Variants in TAOK1 observed in about 807,000 individuals in gnomAD.
The protein encoded by TAOK1 is serine/threonine-protein kinase TAO1.
A neutral mutation model predicts 138.3 loss-of-function variants in TAOK1; 21 were observed. The ratio of observed to expected loss-of-function variants is 0.15; its 90% CI spans 0.11 to 0.22. TAOK1 has a LOEUF of 0.22. TAOK1 is among the 10% of genes least tolerant of loss of function. The probability of loss-of-function intolerance (pLI) is 1.00; values close to 1 mark genes in which losing one functional copy is unlikely to be tolerated. For missense variants in TAOK1, 651 were observed against 1,227.7 expected, an observed-to-expected ratio of 0.53 and a Z score of 7.02; for synonymous variants, 361 against 398.4, an observed-to-expected ratio of 0.91 and a Z score of 1.12.
chr17:29,440,608 C>T (rs1474918496), intron 1 of TAOK1, among the ~76,000 whole-genome samples: 2 of 150,682 alleles, frequency 1.3e-5, no homozygotes, highest in Admixed American at 6.6e-5. Context: ...ACAGAGTCTG[C>T]TCTTTTGCCC....
chr17:29,427,157 A>T (rs1905666359), intron 1 of TAOK1, among the ~76,000 whole-genome samples: 1 of 152,220 alleles, frequency 6.6e-6, no homozygotes, highest in South Asian at 2.1e-4. Context: ...ATGTAATGCC[A>T]TTGGTGGAAA....
intron 1 of TAOK1, among the ~76,000 whole-genome samples, chr17:29,446,087 G>A (rs2030069631): frequency 6.6e-6 from 1 of 151,990 alleles, no homozygotes; most frequent in Admixed American, 6.6e-5. Context: ...TCTTTTTAAT[G>A]TGTGTAGGGT....
chr17:29,409,140 AT>A (rs1905076186), intron 1 of TAOK1, among the ~76,000 whole-genome samples: 5 of 151,852 alleles, frequency 3.3e-5, no homozygotes, highest in African/African-American at 1.2e-4. Flanking sequence ...ATATTTATCT[AT>A]GTTGCGTGTT....
At chr17:29,405,867 T>A (rs1051107478) in intron 1 of TAOK1, among the ~76,000 whole-genome samples, 1 of 152,188 alleles carries the variant, frequency 6.6e-6, no homozygotes, top group Non-Finnish European at 1.5e-5. Flanking sequence ...ATTTCTTATA[T>A]TTTTTGAGTG....
At chr17:29,391,884 C>T (rs1904442222) in intron 1 of TAOK1, among the ~76,000 whole-genome samples, 1 of 152,206 alleles carries the variant, frequency 6.6e-6, no homozygotes, top group Non-Finnish European at 1.5e-5. Context: ...CCTCCTCATC[C>T]TCATTTCCCT....
chr17:29,430,759 A>C (rs577822491), intron 1 of TAOK1, among the ~76,000 whole-genome samples: 1 of 152,312 alleles, frequency 6.6e-6, no homozygotes, highest in African/African-American at 2.4e-5. Context: ...TATGGGAGGC[A>C]GAAGGACTGA....
intron 1 of TAOK1, among the ~76,000 whole-genome samples, chr17:29,410,272 C>T (rs187975075): frequency 5.5e-4 from 83 of 152,138 alleles, no homozygotes; most frequent in African/African-American, 1.7e-3. Context: ...TTTTTTGAGA[C>T]GGAGTTTCGC....
intron 1 of TAOK1, among the ~76,000 whole-genome samples, chr17:29,397,909 T>TG (rs1365468006): frequency 2.6e-5 from 4 of 151,946 alleles, no homozygotes; most frequent in Non-Finnish European, 5.9e-5. Flanking sequence ...TTTTTTGAGA[T>TG]GGGGTCTTGC....
chr17:29,432,400 C>T (rs776066137), intron 1 of TAOK1, among the ~76,000 whole-genome samples: 1 of 152,208 alleles, frequency 6.6e-6, no homozygotes, highest in South Asian at 2.1e-4. Context: ...TCGGTAAACC[C>T]ACAACCTTCG....
intron 19 of TAOK1, among the ~76,000 whole-genome samples, chr17:29,538,201 A>T (rs2032256803): frequency 6.6e-6 from 1 of 152,134 alleles, no homozygotes; most frequent in South Asian, 2.1e-4. Context: ...ACCAGTATTA[A>T]TATGGAAAAA....
At chr17:29,538,719 A>G (rs1339395364) in intron 19 of TAOK1, among the ~76,000 whole-genome samples, 1 of 152,240 alleles carries the variant, frequency 6.6e-6, no homozygotes, top group Non-Finnish European at 1.5e-5. Context: ...TTGTTCATTT[A>G]GTTTGAGACA....
intron 2 of TAOK1, among the ~76,000 whole-genome samples, chr17:29,465,798 C>T (rs908084483): frequency 1.2e-4 from 13 of 106,878 alleles, no homozygotes; most frequent in African/African-American, 3.7e-4. Flanking sequence ...GTGGGAGTTT[C>T]GCTCTTGTTT....
intron 19 of TAOK1, among the ~76,000 whole-genome samples, chr17:29,535,529 G>C (rs1325153591): frequency 5.3e-5 from 8 of 152,048 alleles, no homozygotes; most frequent in Admixed American, 1.3e-4. Context: ...TATAGTTCCT[G>C]TGATAAAAAT....
intron 4 of TAOK1, 84 bp downstream of exon 4, chr17:29,475,855 G>A (rs2030931947): frequency 1.0e-6 from 1 of 989,484 alleles, no homozygotes; most frequent in African/African-American, 1.6e-5. Flanking sequence ...TACTGGTTGT[G>A]TAAATGCATG....
intron 1 of TAOK1, among the ~76,000 whole-genome samples, chr17:29,394,296 G>C (rs908539276): frequency 1.3e-5 from 2 of 151,252 alleles, no homozygotes; most frequent in Non-Finnish European, 2.9e-5. Flanking sequence ...CTCCTGAGTA[G>C]CTGGGACTAC....
intron 1 of TAOK1, among the ~76,000 whole-genome samples, chr17:29,395,646 C>CTT (rs10591199): frequency 1.5e-4 from 19 of 129,784 alleles, no homozygotes; most frequent in African/African-American, 2.9e-4. Context: ...GGTATGTGTA[C>CTT]TTTTTTTTTT....
intron 1 of TAOK1, among the ~76,000 whole-genome samples, chr17:29,392,859 G>A (rs1305429081): frequency 7.2e-5 from 11 of 152,094 alleles, no homozygotes; most frequent in Non-Finnish European, 1.5e-4. Flanking sequence ...TTTTTGGTGT[G>A]TTTGTTGCAT....
At chr17:29,522,611 A>G in intron 17 of TAOK1, 92 bp downstream of exon 17, 1 of 1,510,590 alleles carries the variant, frequency 6.6e-7, no homozygotes, top group Non-Finnish European at 8.9e-7. Context: ...TCTAGTCATA[A>G]AGAAATTGAC....
intron 1 of TAOK1, among the ~76,000 whole-genome samples, chr17:29,402,332 A>G (rs1421001936): frequency 6.6e-6 from 1 of 152,176 alleles, no homozygotes; most frequent in Non-Finnish European, 1.5e-5. Flanking sequence ...AGACGGTCTC[A>G]GTCCCCTTCC....
Sources: allele counts gnomAD v4.1 joint callset (sites outside exome capture counted in the v4.1 genomes callset), GRCh38; gene constraint gnomAD v4.1.1; transcripts MANE v1.5; gene names NCBI Gene and HGNC (gene_info 2026-07-23, HGNC 2026-07-21).